PDZK1: variants seen among roughly 807,000 people sequenced by gnomAD.
PDZK1 encodes PDZ domain containing 1.
A neutral mutation model predicts 38.1 loss-of-function variants in PDZK1; 23 were observed. The ratio of observed to expected loss-of-function variants is 0.60; its 90% confidence interval spans 0.43 to 0.85. PDZK1 has a LOEUF of 0.85. PDZK1 is among the 40% of genes least tolerant of loss of function. PDZK1 has a pLI of 0.00. For missense variants in PDZK1, 297 were observed against 504.3 expected (o/e 0.59, Z 3.94); for synonymous variants, 98 against 186.2 (o/e 0.53, Z 3.86).
chr1:145,693,806 T>G (rs1191658062), intron 1 of PDZK1, among the ~76,000 whole-genome samples: 6 of 150,808 alleles, frequency 4.0e-5, no homozygotes, highest in East Asian at 2.0e-4. Context: ...CTGCCTCGAC[T>G]CCTCCTGTCT....
intron 1 of PDZK1, among the ~76,000 whole-genome samples, chr1:145,694,411 C>G (rs988054406): frequency 6.6e-6 from 1 of 152,162 alleles, no homozygotes; most frequent in Non-Finnish European, 1.5e-5. Flanking sequence ...GGATCATGAA[C>G]ATAGTTCCTT....
At chr1:145,682,851 G>C (rs587775205) in intron 3 of PDZK1, among the ~76,000 whole-genome samples, 6 of 152,260 alleles carry the variant, frequency 3.9e-5, no homozygotes, top group African/African-American at 1.4e-4. Flanking sequence ...TATTGCGGAG[G>C]GCTGCCTTCG....
At chr1:145,688,085 C>A (rs1465079112) in intron 1 of PDZK1, 62 bp from the exon 2 acceptor site, 1 of 1,349,970 alleles carries the variant, frequency 7.4e-7, no homozygotes, top group Non-Finnish European at 1.1e-6. Context: ...GAGTGAGAAC[C>A]CCATCCTCCA....
intron 1 of PDZK1, among the ~76,000 whole-genome samples, chr1:145,697,709 T>C (rs2101927465): frequency 6.7e-6 from 1 of 149,474 alleles, no homozygotes; most frequent in African/African-American, 2.5e-5. Context: ...GCAAGTCTCC[T>C]GCTCAGCCTC....
chr1:145,686,060 A>C (rs1417117462), intron 3 of PDZK1, among the ~76,000 whole-genome samples: 1 of 152,218 alleles, frequency 6.6e-6, no homozygotes, highest in African/African-American at 2.4e-5. Context: ...TCAGATAAAA[A>C]AAAGATACCA....
At chr1:145,678,090 G>A (rs1171506353) in intron 6 of PDZK1, among the ~76,000 whole-genome samples, 2 of 95,376 alleles carry the variant, frequency 2.1e-5, no homozygotes, top group East Asian at 2.9e-4. Flanking sequence ...AGGCTTTTAT[G>A]TGCAGTTGAT....
At chr1:145,684,402 G>A (rs1376152995) in intron 3 of PDZK1, among the ~76,000 whole-genome samples, 15 of 151,742 alleles carry the variant, frequency 9.9e-5, no homozygotes, top group Admixed American at 2.6e-4. Flanking sequence ...TAGAGACAGG[G>A]TTTCACCGTG....
At chr1:145,671,553 A>C (rs587595745) in intron 8 of PDZK1, 64 bp from the exon 9 acceptor site, 1 of 1,020,698 alleles carries the variant, frequency 9.8e-7, no homozygotes, top group African/African-American at 1.6e-5. Flanking sequence ...GATCTATTCT[A>C]GAGTTGCATG....
At chr1:145,706,933 C>CA (rs1553705819) in intron 1 of PDZK1, among the ~76,000 whole-genome samples, 1 of 151,932 alleles carries the variant, frequency 6.6e-6, no homozygotes, top group East Asian at 1.9e-4. Flanking sequence ...CTCTGCTACC[C>CA]AAGGCCCCTG....
intron 1 of PDZK1, among the ~76,000 whole-genome samples, chr1:145,692,276 C>T (rs188807839): frequency 1.3e-5 from 2 of 152,182 alleles, no homozygotes; most frequent in African/African-American, 4.8e-5. Flanking sequence ...AGGCCCCAGA[C>T]GGCCATCAAC....
In PDZK1 at chr1:145,697,145, G is replaced by C. The variant is rs186110771; in HGVS notation, c.-2-9122C>G. Among the ~76,000 whole-genome samples, 61 of 152,226 alleles carry C rather than the reference G, an allele frequency of 4.0e-4. 1 individual carries two copies. Among genetic ancestry groups the C allele is most frequent in the Admixed American group, 3.7e-3 (57 of 15,302 alleles). ...GAGTTCAAGACCAGCCTGGCCAACT[G>C]GTGAAGCCCCATCTCTTCTAAAAAT... On this transcript the variant is annotated intron_variant, in intron 1 of 8. Transcript: ENST00000417171.
intron 1 of PDZK1, among the ~76,000 whole-genome samples, chr1:145,694,712 CATGGT>C (rs1163749766): frequency 6.6e-6 from 1 of 151,736 alleles, no homozygotes; most frequent in African/African-American, 2.4e-5. Flanking sequence ...TCCTGGCCAA[CATGGT>C]GAAACCCTGT....
At chr1:145,701,077 C>CGGGT (rs1655932317) in intron 1 of PDZK1, among the ~76,000 whole-genome samples, 1 of 151,456 alleles carries the variant, frequency 6.6e-6, no homozygotes, top group African/African-American at 2.4e-5. Context: ...TGGTGGCACA[C>CGGGT]GCCTGTAGTC....
At chr1:145,691,770 A>G (rs11541142) in intron 1 of PDZK1, 3 of 152,036 alleles carry the variant, frequency 2.0e-5, no homozygotes, top group African/African-American at 7.3e-5. Context: ...AGATCGCACC[A>G]CTGCACTCCA....
intron 1 of PDZK1, among the ~76,000 whole-genome samples, chr1:145,698,739 G>A (rs934479955): frequency 6.6e-6 from 1 of 151,974 alleles, no homozygotes; most frequent in Non-Finnish European, 1.5e-5. Context: ...GACCAGCTTG[G>A]CCAACATGGT....
In PDZK1 at chr1:145,686,483, C is replaced by T. The variant is rs1427078353; in HGVS notation, c.454G>A (p.Val152Ile). 4 of 1,612,050 alleles carry T rather than the reference C, an allele frequency of 2.5e-6. No homozygotes were observed. The highest frequency in any genetic ancestry group is 1.1e-5 in the South Asian group (1 of 90,988). Residue 152 changes from valine to isoleucine, a missense_variant, in exon 3 of 9, where the codon GTC becomes ATC. By Grantham distance (29) the Val-to-Ile change is conservative. This residue lies in a region of PDZK1 where 159 missense variants were observed against 200.0 expected (regional missense o/e 0.79). Coordinates refer to ENST00000417171, the MANE Select transcript of PDZK1 (RefSeq NM_001201325.2). The part of the protein sequence containing the change: ...GGSYGFSLKT[V>I]QGKKGVYMTD... ...CTCCCCAAAAAATTCTCACCTTGGA[C>T]AGTTTTCAGAGAGAAGCCATAGCTG...
intron 1 of PDZK1, among the ~76,000 whole-genome samples, chr1:145,697,552 A>G (rs897696575): frequency 6.6e-6 from 1 of 152,130 alleles, no homozygotes; most frequent in Non-Finnish European, 1.5e-5. Flanking sequence ...TCTGGGCCTG[A>G]TAAAACACTA....
At chr1:145,686,267 A>G (rs1400219233) in intron 3 of PDZK1, among the ~76,000 whole-genome samples, 1 of 151,986 alleles carries the variant, frequency 6.6e-6, no homozygotes, top group Admixed American at 6.6e-5. Context: ...ACTGCTGTCC[A>G]GTGTCCCTCC....
chr1:145,698,103 C>G (rs77792489), intron 1 of PDZK1, among the ~76,000 whole-genome samples: 4 of 152,052 alleles, frequency 2.6e-5, no homozygotes, highest in African/African-American at 4.8e-5. Context: ...GCCTCAATCT[C>G]TCCTACGAAG....
Sources: gnomAD v4.1 joint callset for allele counts (sites outside exome capture counted in the v4.1 genomes callset) on GRCh38, gnomAD v4.1.1 for gene constraint, gnomAD v4.1.1 regional missense constraint, MANE v1.5 for transcripts, NCBI Gene and HGNC (gene_info 2026-07-23, HGNC 2026-07-21) for gene names.